COG2: variants seen among roughly 807,000 people sequenced by gnomAD.
COG2 encodes conserved oligomeric Golgi complex subunit 2.
Under a neutral mutation model 90.6 loss-of-function variants are expected in COG2, and 52 were observed. The ratio of observed to expected loss-of-function variants is 0.57; its 90% CI spans 0.46 to 0.72. COG2 has a LOEUF of 0.72. Ranked by LOEUF, COG2 falls within the 30% of genes least tolerant of loss-of-function variation. The pLI is 0.00. For missense variants in COG2, 829 were observed against 891.2 expected (o/e 0.93, Z 0.89); for synonymous variants, 337 against 320.4 (o/e 1.05, Z -0.55).
intron 12 of COG2, 111 bp from the exon 13 acceptor site, chr1:230,686,824 T>C (rs760551973): frequency 4.0e-5 from 23 of 570,304 alleles, no homozygotes; most frequent in Non-Finnish European, 6.5e-5. Flanking sequence ...CTAAATGCTA[T>C]GTAGACAGCT....
intron 1 of COG2, among the ~76,000 whole-genome samples, chr1:230,655,502 GTATTT>G (rs1662026642): frequency 6.6e-6 from 1 of 152,334 alleles, no homozygotes; most frequent in South Asian, 2.1e-4. Flanking sequence ...TGGTTTGCCA[GTATTT>G]TATTGAGGAT....
chr1:230,643,492 C>G (rs192030105), intron 1 of COG2, among the ~76,000 whole-genome samples: 13 of 152,144 alleles, frequency 8.5e-5, no homozygotes, highest in African/African-American at 3.1e-4. Context: ...TAGCTGCTTT[C>G]AGTGTTAAAA....
At chr1:230,662,719 C>T (rs567795375) in intron 3 of COG2, among the ~76,000 whole-genome samples, 22 of 152,240 alleles carry the variant, frequency 1.4e-4, no homozygotes, top group African/African-American at 4.8e-4. Flanking sequence ...GGATGTATTC[C>T]TCACTGGTCC....
chr1:230,651,330 G>A (rs1661909566), intron 1 of COG2, among the ~76,000 whole-genome samples: 1 of 152,132 alleles, frequency 6.6e-6, no homozygotes, highest in Non-Finnish European at 1.5e-5. Context: ...TAAAAGTTCT[G>A]TGAAATTTTC....
intron 5 of COG2, among the ~76,000 whole-genome samples, chr1:230,665,166 T>C (rs1207832797): frequency 1.3e-5 from 2 of 152,212 alleles, no homozygotes; most frequent in Non-Finnish European, 2.9e-5. Flanking sequence ...TGGATCATTA[T>C]GAACATTAAT....
rs1426465412 is a variant in COG2 at position 230,693,452 on chromosome 1, C to T, written c.*59C>T. 1.7e-5 allele frequency: 18 copies of T among 1,069,050 alleles called. No homozygotes were observed. The highest frequency in any genetic ancestry group is 2.5e-5 in the Non-Finnish European group (18 of 707,434). The allele number at this position is 1,069,050 out of a possible 1,614,324, so 66.2% of individuals were successfully genotyped here. ...GCAAGAGAAGAGTTGGACTTCCAGG[C>T]TGAAGGGGAGAAAGTGACTCTGTTC... On this transcript the variant is annotated 3_prime_UTR_variant, in exon 18 of 18. Coordinates refer to ENST00000366669, the MANE Select transcript of COG2 (RefSeq NM_007357.3).
intron 1 of COG2, among the ~76,000 whole-genome samples, chr1:230,651,370 T>G (rs1661910197): frequency 6.6e-6 from 1 of 152,224 alleles, no homozygotes; most frequent in South Asian, 2.1e-4. Flanking sequence ...TATTTGGGTC[T>G]CAGGCGAGCT....
intron 9 of COG2, chr1:230,678,626 C>T: frequency 4.4e-6 from 6 of 1,352,310 alleles, no homozygotes; most frequent in South Asian, 2.5e-5. Flanking sequence ...GGGTAGGGGG[C>T]CCTAGAACAT....
chr1:230,690,430 A>C (rs979911780), intron 16 of COG2: 1 of 286,762 alleles, frequency 3.5e-6, no homozygotes, highest in Admixed American at 5.3e-5. Flanking sequence ...CGTTCCCTGC[A>C]GGTGCCGTTC....
chr1:230,692,090 A>G (rs568477785), intron 17 of COG2, among the ~76,000 whole-genome samples: 1 of 152,212 alleles, frequency 6.6e-6, no homozygotes, highest in Non-Finnish European at 1.5e-5. Flanking sequence ...TGATATGGAT[A>G]AGGTGCAATG....
chr1:230,672,618 G>A (rs1337501824), intron 8 of COG2, among the ~76,000 whole-genome samples: 1 of 151,664 alleles, frequency 6.6e-6, no homozygotes, highest in East Asian at 1.9e-4. Flanking sequence ...ATCGCTTGAG[G>A]CCAGGAGTTC....
At chr1:230,657,430 G>T (rs1246109284) in intron 1 of COG2, among the ~76,000 whole-genome samples, 3 of 152,178 alleles carry the variant, frequency 2.0e-5, no homozygotes, top group African/African-American at 7.2e-5. Flanking sequence ...TCTGCTGAGA[G>T]ATCCACTGTT....
intron 2 of COG2, among the ~76,000 whole-genome samples, chr1:230,660,333 A>G (rs1662152197): frequency 6.6e-6 from 1 of 152,220 alleles, no homozygotes; most frequent in Non-Finnish European, 1.5e-5. Context: ...TTATATTTCC[A>G]TTCTATTTCA....
At chr1:230,650,853 C>T (rs1016840563) in intron 1 of COG2, among the ~76,000 whole-genome samples, 1 of 151,930 alleles carries the variant, frequency 6.6e-6, no homozygotes, top group African/African-American at 2.4e-5. Flanking sequence ...GTTTTTAATC[C>T]ATCTTGACTT....
At chr1:230,686,650 T>C (rs913901854) in intron 12 of COG2, among the ~76,000 whole-genome samples, 3 of 152,234 alleles carry the variant, frequency 2.0e-5, no homozygotes, top group African/African-American at 7.2e-5. Flanking sequence ...ATTAATTTTA[T>C]TGTGGTTTGG....
rs777835205 is a variant in COG2, at chr1:230,691,427, A to C, written c.1978A>C (p.Met660Leu). ...VSDVLNSVKKMEESLKRLKQA... is the reference protein window; with the variant it reads ...VSDVLNSVKKLEESLKRLKQA... Reference sequence around the variant, plus strand: ...AGATGTATTAAACTCTGTGAAGAAGATGGAAGAGAGCCTGAAAAGGCTGAA... The same window carrying C: ...AGATGTATTAAACTCTGTGAAGAAGCTGGAAGAGAGCCTGAAAAGGCTGAA... Residue 660 changes from methionine to leucine, a missense_variant, in exon 17 of 18, where the codon ATG becomes CTG. By Grantham distance (15) the Met-to-Leu change is conservative. Coordinates refer to ENST00000366669, the MANE Select transcript of COG2 (RefSeq NM_007357.3). 6.2e-7 allele frequency: 1 copy of C among 1,613,998 alleles called. No individual in the cohort carries two copies. Among genetic ancestry groups the C allele is most frequent in the Non-Finnish European group, 8.5e-7 (1 of 1,180,028 alleles).
Position 230,689,651 on chromosome 1 carries a change from C to G in COG2, c.1795-363C>G, listed in dbSNP as rs115838393. On this transcript the variant is annotated intron_variant, in intron 15 of 17. Coordinates refer to ENST00000366669, the MANE Select transcript of COG2 (RefSeq NM_007357.3). The stretch of plus-strand genomic sequence containing the variant: ...AATCCCAGAACTCAACCCTTCCACC[C>G]ACTGCCCCCAACAGAATTAGAACCT... Among the ~76,000 whole-genome samples the G allele has an allele frequency of 4.0e-3, 605 of 152,344 alleles. 3 individuals carry two copies. The highest frequency in any genetic ancestry group is 0.014 in the African/African-American group (590 of 41,572).
intron 5 of COG2, 68 bp from the exon 6 acceptor site, chr1:230,668,608 C>T: frequency 3.3e-6 from 3 of 913,162 alleles, no homozygotes; most frequent in South Asian, 1.8e-5. Context: ...CACTGCCAGG[C>T]GTGTGATGTA....
chr1:230,685,903 G>C (rs940549368), intron 12 of COG2, among the ~76,000 whole-genome samples: 3 of 152,186 alleles, frequency 2.0e-5, no homozygotes, highest in Admixed American at 1.3e-4. Context: ...AGTCATCGCA[G>C]TGTGAGGAGT....
Sources: allele counts gnomAD v4.1 joint callset (sites outside exome capture counted in the v4.1 genomes callset), GRCh38; gene constraint gnomAD v4.1.1; transcripts MANE v1.5; gene names NCBI Gene and HGNC (gene_info 2026-07-23, HGNC 2026-07-21).